Variants in COMMD4 observed in about 807,000 individuals in gnomAD.
The protein encoded by COMMD4 is COMM domain-containing protein 4.
In COMMD4, 18 loss-of-function variants were observed where a neutral mutation model predicts 27.5. That is an observed-to-expected ratio of 0.65 (90% CI 0.45 to 0.97). The LOEUF (loss-of-function observed/expected upper bound fraction) is 0.97. Among genes scored for constraint, COMMD4 ranks in the 50% least tolerant of loss-of-function variants. The pLI, the probability that COMMD4 is intolerant of heterozygous loss-of-function variation, is 0.00. For synonymous variants in COMMD4, 108 were observed against 108.4 expected, an observed-to-expected ratio of 1.00 and a Z score of 0.02; for missense variants, 243 against 250.0, an observed-to-expected ratio of 0.97 and a Z score of 0.19.
rs1355045665 is a variant in COMMD4, at chr15:75,338,063, G to C, written c.5G>C (p.Arg2Thr). 1 of 1,605,802 alleles carries C rather than the reference G, an allele frequency of 6.2e-7. No individual in the cohort carries two copies. The highest frequency in any genetic ancestry group is 1.7e-5 in the Admixed American group (1 of 59,090). The change falls in exon 2 of 8, where the codon AGG becomes ACG. Residue 2 changes from arginine to threonine, a missense_variant and splice_region_variant. Physicochemically the swap from Arg to Thr is moderately conservative, Grantham distance 71 (BLOSUM62 -1). Coordinates refer to ENST00000267935, the MANE Select transcript of COMMD4 (RefSeq NM_017828.5). ...ATTACCTGCCTCCCTCCCTTGCAGA[G>C]GTTCCGGTTCTGTGGTGATCTGGAC... The part of the protein sequence containing the change: M[R>T]FRFCGDLDCP...
chr15:75,336,427 C>T, intron 1 of COMMD4: 1 of 641,624 alleles, frequency 1.6e-6, no homozygotes, highest in Non-Finnish European at 2.5e-6. Context: ...AAGAGGACCT[C>T]CCAAGGATAC....
Position 75,338,426 on chromosome 15 carries a change from T to C in COMMD4, c.141+6T>C, listed in dbSNP as rs1179685912. 6.2e-7 allele frequency: 1 copy of C among 1,605,124 alleles called. No individual in the cohort carries two copies. Among genetic ancestry groups the C allele is most frequent in the South Asian group, 1.1e-5 (1 of 89,788 alleles). On this transcript the variant is annotated splice_donor_region_variant and intron_variant, in intron 3 of 7. Transcript: ENST00000267935. ...TGCTGGGACAGGGGATTGATGTGAG[T>C]ACAAGATCCAGCACCCCATTGTCCC...
chr15:75,338,544 C>T (rs1333105899), intron 3 of COMMD4, 102 bp from the exon 4 acceptor site: 1 of 1,576,270 alleles, frequency 6.3e-7, no homozygotes, highest in African/African-American at 1.4e-5. Flanking sequence ...ACCTCCCTTC[C>T]TTCTTTCCAG....
At chr15:75,342,258 G>GGGAAAAAAA (rs2071434473), downstream of COMMD4, 3 of 151,776 alleles carry the variant, frequency 2.0e-5, no homozygotes, top group Non-Finnish European at 4.4e-5. Context: ...GTTGAAAAAA[G>GGGAAAAAAA]GGCCTGGGGC....
At chr15:75,338,285 C>T in intron 2 of COMMD4, 70 bp from the exon 3 acceptor site, 1 of 1,460,676 alleles carries the variant, frequency 6.8e-7, no homozygotes, top group Non-Finnish European at 9.4e-7. Flanking sequence ...GGCTGGCCTG[C>T]TCTGAGCCAG....
At chr15:75,338,814 GGAAA>G in intron 4 of COMMD4, 129 bp downstream of exon 4, 3 of 1,425,292 alleles carry the variant, frequency 2.1e-6, no homozygotes, top group African/African-American at 1.4e-5. Flanking sequence ...GGAGCATGAG[GGAAA>G]GAAAGACCGA....
In COMMD4 at chr15:75,338,468, C is replaced by T. The variant is rs1054906604; in HGVS notation, c.141+48C>T. 4.4e-6 allele frequency: 7 copies of T among 1,604,120 alleles called. No homozygotes were observed. The East Asian group carries it at 1.3e-4, about 31-fold the overall frequency. On this transcript the variant is annotated intron_variant, in intron 3 of 7. Transcript: ENST00000267935. ...CATTGTCCCATGACCTTATGACCAC[C>T]ACTGCCCTGAAACTCTGCACTAGGC...
At chr15:75,338,911 C>G in intron 4 of COMMD4, 74 bp from the exon 5 acceptor site, 1 of 1,612,586 alleles carries the variant, frequency 6.2e-7, no homozygotes, top group South Asian at 1.1e-5. Flanking sequence ...GGGCTTTGAG[C>G]TAAAGTTAAT....
chr15:75,338,861 G>C (rs1353063608), intron 4 of COMMD4, 124 bp from the exon 5 acceptor site: 36 of 1,511,866 alleles, frequency 2.4e-5, no homozygotes, highest in Non-Finnish European at 3.2e-5. Flanking sequence ...GCCAGCTCCT[G>C]GTGGAGCAGT....
chr15:75,342,096 A>AAAAAAT (rs2071433156), downstream of COMMD4: 1 of 142,356 alleles, frequency 7.0e-6, no homozygotes, highest in Non-Finnish European at 1.5e-5. Context: ...AAAAAAAAAA[A>AAAAAAT]TGTATATATA....
In COMMD4 at chr15:75,339,977, C is replaced by G. The variant is rs935834857; in HGVS notation, c.572C>G (p.Ala191Gly). ...CTTCCCTCTGCAGAACTGAAGCAGG[C>G]CCAGACCCTGATGAGCTCCCTGGGC... ...FQVLLAELKQ[A>G]QTLMSSLG Residue 191 changes from alanine (A) to glycine (G), a missense_variant, in exon 8 of 8, where the codon GCC (alanine) becomes GGC (glycine). Coordinates refer to ENST00000267935, the MANE Select transcript of COMMD4 (RefSeq NM_017828.5). The G allele has an allele frequency of 2.5e-6, 4 of 1,614,162 alleles. No individual in the cohort carries two copies. Among genetic ancestry groups the G allele is most frequent in the Non-Finnish European group, 2.5e-6 (3 of 1,180,008 alleles).
chr15:75,338,396 G>A lies in COMMD4; in HGVS notation c.117G>A (p.Lys39=). 1 of 1,600,260 alleles carries A rather than the reference G, an allele frequency of 6.2e-7. No homozygotes were observed. Among genetic ancestry groups the A allele is most frequent in the South Asian group, 1.1e-5 (1 of 89,340 alleles). The change falls in exon 3 of 8, where the codon AAG becomes AAA. Residue 39 remains lysine (K), a synonymous_variant. Transcript: ENST00000267935. The part of the protein sequence containing the change: ...KLRLLCSQVL[K]ELLGQGIDYE... Reference sequence around the variant, plus strand: ...GGCTGCTCTGCAGCCAGGTACTAAAGGAGCTGCTGGGACAGGGGATTGATG... The same window carrying A: ...GGCTGCTCTGCAGCCAGGTACTAAAAGAGCTGCTGGGACAGGGGATTGATG...
rs1567203302 is a variant in COMMD4, at chr15:75,338,520, C to T, written c.141+100C>T. Reference sequence around the variant, plus strand: ...CAGGGAGACGGGTGAGCCAGCCTCTCAACCTCTCTGGGCACCTCCCTTCCT... The same window carrying T: ...CAGGGAGACGGGTGAGCCAGCCTCTTAACCTCTCTGGGCACCTCCCTTCCT... On this transcript the variant is annotated intron_variant, in intron 3 of 7. Transcript: ENST00000267935. 3 of 1,571,994 alleles carry T rather than the reference C, an allele frequency of 1.9e-6. No homozygotes were observed. The East Asian group carries it at 6.9e-5, about 36-fold the overall frequency.
chr15:75,339,385 G>T, intron 6 of COMMD4, 41 bp downstream of exon 6: 5 of 1,598,550 alleles, frequency 3.1e-6, no homozygotes, highest in South Asian at 1.1e-5. Flanking sequence ...CATTCTAGAA[G>T]GTGCACGCAG....
intron 1 of COMMD4, chr15:75,337,755 A>T: frequency 2.5e-6 from 1 of 398,260 alleles, no homozygotes; most frequent in Non-Finnish European, 4.6e-6. Context: ...GAGGCCCAGG[A>T]CTTTGTTTTA....
downstream of COMMD4, chr15:75,341,653 A>T (rs1425220657): frequency 6.6e-6 from 1 of 152,176 alleles, no homozygotes; most frequent in Non-Finnish European, 1.5e-5. Context: ...TCTGGACCCC[A>T]TGGCCCAGTC....
Position 75,339,309 on chromosome 15 carries a change from C to T in COMMD4, c.347C>T (p.Pro116Leu). The stretch of plus-strand genomic sequence containing the variant: ...CGCTGTTATGAGGAGAAGCAAAGCC[C>T]CTTGCAGAAGCACTTGCGGGTCTGC... ...LCRCYEEKQSPLQKHLRVCSL... is the reference protein window; with the variant it reads ...LCRCYEEKQSLLQKHLRVCSL... The change falls in exon 6 of 8, where the codon CCC (proline) becomes CTC (leucine). Residue 116 changes from proline (P) to leucine (L), a missense_variant. Physicochemically the swap from Pro to Leu is moderately conservative, Grantham distance 98. Transcript: ENST00000267935. The T allele has an allele frequency of 6.2e-7, 1 of 1,612,100 alleles. No individual in the cohort carries two copies. Among genetic ancestry groups the T allele is most frequent in the East Asian group, 2.2e-5 (1 of 44,884 alleles).
intron 2 of COMMD4, 30 bp from the exon 3 acceptor site, chr15:75,338,325 G>T: frequency 6.4e-7 from 1 of 1,567,528 alleles, no homozygotes; most frequent in Non-Finnish European, 8.7e-7. Flanking sequence ...AGGTTTGCCA[G>T]CCTGGCTGAT....
chr15:75,342,719 T>C (rs1361982082), downstream of COMMD4: 1 of 152,194 alleles, frequency 6.6e-6, no homozygotes, highest in African/African-American at 2.4e-5. Context: ...TAATGATGTA[T>C]ACTTCAAAAT....
Sources: gnomAD v4.1 joint callset for allele counts on GRCh38, gnomAD v4.1.1 for gene constraint, MANE v1.5 for transcripts, NCBI Gene and HGNC (gene_info 2026-07-23, HGNC 2026-07-21) for gene names.